Variants in DMD observed in about 807,000 individuals in gnomAD.
The protein encoded by DMD is mutant dystrophin.
A neutral mutation model predicts 330.1 loss-of-function variants in DMD; 63 were observed. That is an observed-to-expected ratio of 0.19 (90% CI 0.16 to 0.24). The LOEUF (loss-of-function observed/expected upper bound fraction) is 0.24, where lower values mean the gene tolerates loss of function less well. Ranked by LOEUF, DMD falls within the 10% of genes least tolerant of loss-of-function variation. The probability of loss-of-function intolerance (pLI) is 1.00; values close to 1 mark genes in which losing one functional copy is unlikely to be tolerated. For synonymous variants in DMD, 1,223 were observed against 959.8 expected (o/e 1.27, Z -5.07); for missense variants, 3,344 against 2,684.1 (o/e 1.25, Z -5.43).
intron 21 of DMD, among the ~76,000 whole-genome samples, chrX:32,483,146 C>CAT (rs201134649): frequency 0.11 from 4,436 of 39,199 alleles, 616 homozygotes; most frequent in East Asian, 0.38. Flanking sequence ...TTTTTCATTC[C>CAT]ATATATATAT....
intron 4 of DMD, among the ~76,000 whole-genome samples, chrX:32,839,437 C>T (rs1019748713): frequency 1.8e-5 from 2 of 111,745 alleles, no homozygotes; most frequent in Non-Finnish European, 1.9e-5. Context: ...ATATTGCCTA[C>T]CATGTGGCTG....
At chrX:31,594,639 T>A (rs2077030052) in intron 55 of DMD, among the ~76,000 whole-genome samples, 1 of 111,541 alleles carries the variant, frequency 9.0e-6, no homozygotes, top group Admixed American at 9.5e-5. Context: ...AACTCAGAAT[T>A]TTCATCCTGC....
At chrX:32,979,005 T>C (rs1405034307) in intron 2 of DMD, among the ~76,000 whole-genome samples, 1 of 112,150 alleles carries the variant, frequency 8.9e-6, no homozygotes, top group Non-Finnish European at 1.9e-5. Context: ...GACAGAAATC[T>C]TAGATTAGGC....
intron 57 of DMD, among the ~76,000 whole-genome samples, chrX:31,492,833 T>C (rs1001756766): frequency 7.2e-4 from 74 of 102,766 alleles, no homozygotes; most frequent in African/African-American, 2.6e-3. Context: ...AATGAAAACA[T>C]ATGGACACAG....
At chrX:32,871,142 T>A in intron 2 of DMD, among the ~76,000 whole-genome samples, 1 of 46,687 alleles carries the variant, frequency 2.1e-5, no homozygotes, top group Non-Finnish European at 4.4e-5. Context: ...TCTTTTCCCG[T>A]GTTTTTTTTC....
rs141494974 is a variant in DMD, at chrX:32,012,029, C to A, written c.6439-43515G>T. 4.5e-5 allele frequency among the ~76,000 whole-genome samples: 5 copies of A among 112,200 alleles called. No homozygotes were observed. In the South Asian group the frequency reaches 1.9e-3, roughly 42 times the overall value. Reference sequence around the variant, plus strand: ...AGTCTAAACAGTTGTCAAGCCCCCCCAGTCCTTTCAACTTTCATTATCTTC... The same window carrying A: ...AGTCTAAACAGTTGTCAAGCCCCCCAAGTCCTTTCAACTTTCATTATCTTC... On this transcript the variant is annotated intron_variant, in intron 44 of 78. Coordinates refer to ENST00000357033, the MANE Select transcript of DMD (RefSeq NM_004006.3).
intron 7 of DMD, among the ~76,000 whole-genome samples, chrX:32,709,857 C>G (rs1375344654): frequency 1.8e-5 from 2 of 111,263 alleles, no homozygotes; most frequent in Non-Finnish European, 3.8e-5. Flanking sequence ...ACCACAAAGG[C>G]AGGAACTTCC....
chrX:32,148,039 G>A lies in DMD; in HGVS notation c.6438+68877C>T, dbSNP rs769859863. ...ACTACAGGCACCCACTACCACGCCA[G>A]GCTAATTTTTTATATTTTTAGTAGA... On this transcript the variant is annotated intron_variant, in intron 44 of 78. Transcript: ENST00000357033. Among the ~76,000 whole-genome samples, 3 of 109,104 alleles carry A rather than the reference G, an allele frequency of 2.7e-5. No individual in the cohort carries two copies. In the East Asian group the frequency reaches 8.7e-4, roughly 32 times the overall value. The allele number at this position is 109,104 out of a possible 115,157, so 94.7% of individuals were successfully genotyped here. A position where few individuals can be genotyped will look rare whatever the true frequency, so the allele number is the denominator to read the frequency against.
intron 63 of DMD, among the ~76,000 whole-genome samples, chrX:31,227,073 C>G (rs773631828): frequency 1.3e-4 from 14 of 111,198 alleles, no homozygotes; most frequent in African/African-American, 2.3e-4. Context: ...TCCACTGCCT[C>G]GTAACTCATG....
At chrX:31,991,381 T>C (rs2095549541) in intron 44 of DMD, among the ~76,000 whole-genome samples, 1 of 110,345 alleles carries the variant, frequency 9.1e-6, no homozygotes, top group Non-Finnish European at 1.9e-5. Flanking sequence ...ATCTAAGAAC[T>C]TGGAAAAAAA....
At chrX:32,291,649 G>A (rs958824923) in intron 42 of DMD, among the ~76,000 whole-genome samples, 3 of 111,710 alleles carry the variant, frequency 2.7e-5, no homozygotes, top group Non-Finnish European at 5.6e-5. Context: ...TGGTGTCATT[G>A]GGTAACAGGA....
intron 45 of DMD, among the ~76,000 whole-genome samples, chrX:31,955,292 A>G (rs752100606): frequency 4.5e-5 from 5 of 112,089 alleles, no homozygotes; most frequent in South Asian, 3.7e-4. Context: ...ATAATCATAA[A>G]TGTAGTGGGG....
chrX:33,091,369 TG>T (rs999695881), intron 1 of DMD, among the ~76,000 whole-genome samples: 1 of 111,761 alleles, frequency 8.9e-6, no homozygotes, highest in African/African-American at 3.2e-5. Flanking sequence ...GGATTATGAA[TG>T]GCTTATGAAT....
chrX:32,633,035 C>A (rs1033021250), intron 11 of DMD, among the ~76,000 whole-genome samples: 2 of 112,083 alleles, frequency 1.8e-5, no homozygotes, highest in Non-Finnish European at 3.8e-5. Flanking sequence ...ATTTTGAAAA[C>A]CTTTATGGTC....
At chrX:31,844,466 T>C (rs191334816) in intron 48 of DMD, among the ~76,000 whole-genome samples, 1 of 111,639 alleles carries the variant, frequency 9.0e-6, no homozygotes, top group Non-Finnish European at 1.9e-5. Flanking sequence ...TTGGTTAATA[T>C]CATGCTTTAT....
chrX:31,180,856 C>T (rs186413187), intron 68 of DMD, among the ~76,000 whole-genome samples: 3 of 112,104 alleles, frequency 2.7e-5, no homozygotes, highest in African/African-American at 9.7e-5. Flanking sequence ...GTGCATGCCC[C>T]TTACCCATCA....
intron 7 of DMD, among the ~76,000 whole-genome samples, chrX:32,723,542 AG>A (rs1771601200): frequency 9.0e-6 from 1 of 111,525 alleles, no homozygotes; most frequent in Non-Finnish European, 1.9e-5. Context: ...AGTAGGTCAA[AG>A]GACACAAACT....
intron 11 of DMD, among the ~76,000 whole-genome samples, chrX:32,620,768 T>A (rs1301556243): frequency 8.9e-6 from 1 of 111,765 alleles, no homozygotes; most frequent in African/African-American, 3.2e-5. Flanking sequence ...GCTTAGAGAC[T>A]ATTAGAGACA....
At chrX:31,635,586 G>C (rs1380135432) in intron 54 of DMD, among the ~76,000 whole-genome samples, 2 of 111,913 alleles carry the variant, frequency 1.8e-5, no homozygotes, top group East Asian at 5.6e-4. Flanking sequence ...TTAAAAGAAA[G>C]AAGTGGCTAA....
Sources: gnomAD v4.1 joint callset for allele counts (sites outside exome capture counted in the v4.1 genomes callset) on GRCh38, gnomAD v4.1.1 for gene constraint, MANE v1.5 for transcripts, NCBI Gene and HGNC (gene_info 2026-07-23, HGNC 2026-07-21) for gene names.